Variants in PTPRK observed in about 807,000 individuals in gnomAD.
PTPRK encodes the protein protein tyrosine phosphatase receptor type K, also known as receptor-type tyrosine-protein phosphatase kappa.
PTPRK carries 75 observed loss-of-function variants against 178.0 expected under a neutral mutation model. The ratio of observed to expected loss-of-function variants is 0.42; its 90% confidence interval spans 0.35 to 0.51. The LOEUF is 0.51. Among genes scored for constraint, PTPRK ranks in the 20% least tolerant of loss-of-function variants. The pLI, the probability that PTPRK is intolerant of heterozygous loss-of-function variation, is 0.02. For synonymous variants in PTPRK, 637 were observed against 620.6 expected, an observed-to-expected ratio of 1.03 and a Z score of -0.39; for missense variants, 1,441 against 1,797.8, an observed-to-expected ratio of 0.80 and a Z score of 3.59.
At chr6:128,054,447 T>C (rs938336471) in intron 13 of PTPRK, among the ~76,000 whole-genome samples, 2 of 152,248 alleles carry the variant, frequency 1.3e-5, no homozygotes, top group African/African-American at 2.4e-5. Context: ...TTTCTGCTCT[T>C]TTGTTAGTTC....
At chr6:128,348,664 A>G (rs1040122685) in intron 2 of PTPRK, among the ~76,000 whole-genome samples, 7 of 152,020 alleles carry the variant, frequency 4.6e-5, no homozygotes, top group African/African-American at 1.7e-4. Flanking sequence ...GAGAAGTTTT[A>G]CTGGAAATAT....
At chr6:128,358,063 A>G (rs1834188012) in intron 2 of PTPRK, among the ~76,000 whole-genome samples, 1 of 152,232 alleles carries the variant, frequency 6.6e-6, no homozygotes, top group Non-Finnish European at 1.5e-5. Flanking sequence ...GCTTATCCCA[A>G]AGTTAAATTC....
chr6:128,287,667 C>A (rs540022455), intron 3 of PTPRK, among the ~76,000 whole-genome samples: 1 of 152,244 alleles, frequency 6.6e-6, no homozygotes, highest in South Asian at 2.1e-4. Context: ...CTTCTTGTCA[C>A]CAAGCTAAAA....
At chr6:127,997,226 G>A (rs1468407566) in intron 16 of PTPRK, among the ~76,000 whole-genome samples, 1 of 152,046 alleles carries the variant, frequency 6.6e-6, no homozygotes, top group African/African-American at 2.4e-5. Context: ...AAAAAAAATG[G>A]ACCTTGAAAG....
At chr6:128,120,344 A>G (rs1325349013) in intron 7 of PTPRK, among the ~76,000 whole-genome samples, 1 of 152,014 alleles carries the variant, frequency 6.6e-6, no homozygotes, top group East Asian at 1.9e-4. Flanking sequence ...TTCTCACCTC[A>G]GAAACTTCTG....
intron 2 of PTPRK, among the ~76,000 whole-genome samples, chr6:128,332,060 G>C (rs760864918): frequency 6.6e-6 from 1 of 152,064 alleles, no homozygotes; most frequent in Non-Finnish European, 1.5e-5. Flanking sequence ...TCCTTCTTAG[G>C]AAGTGGGTGT....
At chr6:128,357,023 G>A (rs1834051292) in intron 2 of PTPRK, among the ~76,000 whole-genome samples, 1 of 152,140 alleles carries the variant, frequency 6.6e-6, no homozygotes, top group Non-Finnish European at 1.5e-5. Flanking sequence ...GCTGGGGTTT[G>A]AATACTGGGG....
At chr6:128,090,082 C>T in intron 7 of PTPRK, 90 bp from the exon 8 acceptor site, 7 of 1,015,608 alleles carry the variant, frequency 6.9e-6, no homozygotes, top group Non-Finnish European at 1.0e-5. Flanking sequence ...ATAGCATATG[C>T]AAATCTAGAA....
At chr6:128,003,312 A>G in intron 15 of PTPRK, 1 of 1,251,290 alleles carries the variant, frequency 8.0e-7, no homozygotes, top group Admixed American at 2.0e-5. Context: ...AAATAGATTT[A>G]TGCTTTCTTA....
intron 7 of PTPRK, among the ~76,000 whole-genome samples, chr6:128,118,649 C>A (rs1476036768): frequency 6.6e-6 from 1 of 152,142 alleles, no homozygotes; most frequent in African/African-American, 2.4e-5. Context: ...ATGACATCAG[C>A]AAAATATCTC....
intron 3 of PTPRK, among the ~76,000 whole-genome samples, chr6:128,292,644 TTTCCTAAAAATAGGATGCAG>T: frequency 6.6e-6 from 1 of 152,086 alleles, no homozygotes; most frequent in Non-Finnish European, 1.5e-5. Flanking sequence ...TTCCTCCTCT[TTTCCTAAAAATAGGATGCAG>T]TTCATAGGGC....
At chr6:128,110,619 TAA>T (rs539131172) in intron 7 of PTPRK, among the ~76,000 whole-genome samples, 69 of 140,756 alleles carry the variant, frequency 4.9e-4, no homozygotes, top group African/African-American at 1.8e-3. Context: ...AAGATAGAAG[TAA>T]AAAAAAAAAA....
intron 18 of PTPRK, among the ~76,000 whole-genome samples, chr6:127,994,241 A>T (rs900010158): frequency 4.6e-5 from 7 of 151,766 alleles, no homozygotes; most frequent in Non-Finnish European, 1.0e-4. Flanking sequence ...ATTTATGGAA[A>T]TTATAAAATG....
intron 13 of PTPRK, among the ~76,000 whole-genome samples, chr6:128,020,796 C>T (rs1035890198): frequency 1.3e-4 from 20 of 152,160 alleles, no homozygotes; most frequent in Admixed American, 6.5e-5. Context: ...TTAAGACTAG[C>T]TGTTTTTTGG....
chr6:128,090,033 T>A, intron 7 of PTPRK, 41 bp from the exon 8 acceptor site: 1 of 1,452,194 alleles, frequency 6.9e-7, no homozygotes, highest in Non-Finnish European at 9.6e-7. Context: ...GTCTATTATA[T>A]CATGAATAAT....
chr6:128,230,955 AG>A (rs1268606355), intron 5 of PTPRK: 22 of 152,172 alleles, frequency 1.4e-4, no homozygotes, highest in Admixed American at 1.0e-3. Flanking sequence ...TTAAATTCAG[AG>A]TTTATAAATT....
chr6:128,171,304 C>T (rs999113015), intron 7 of PTPRK, among the ~76,000 whole-genome samples: 5 of 151,868 alleles, frequency 3.3e-5, no homozygotes, highest in African/African-American at 7.3e-5. Flanking sequence ...AAGATTGAAC[C>T]GCACTTTCAT....
At chr6:128,024,442 T>C (rs982526845) in intron 13 of PTPRK, among the ~76,000 whole-genome samples, 1 of 152,186 alleles carries the variant, frequency 6.6e-6, no homozygotes, top group African/African-American at 2.4e-5. Context: ...CTATTACATG[T>C]TTACATTTAT....
intron 7 of PTPRK, among the ~76,000 whole-genome samples, chr6:128,179,873 A>G (rs1801641640): frequency 6.6e-6 from 1 of 151,940 alleles, no homozygotes; most frequent in Non-Finnish European, 1.5e-5. Flanking sequence ...TCCATTTTGG[A>G]TTTGGGACAA....
Sources: gnomAD v4.1 joint callset for allele counts (sites outside exome capture counted in the v4.1 genomes callset) on GRCh38, gnomAD v4.1.1 for gene constraint, MANE v1.5 for transcripts, NCBI Gene and HGNC (gene_info 2026-07-23, HGNC 2026-07-21) for gene names.